ABCC6: variants seen among roughly 807,000 people sequenced by gnomAD.
ABCC6 encodes the protein ATP-binding cassette sub-family C member 6.
Under a neutral mutation model 169.5 loss-of-function variants are expected in ABCC6, and 126 were observed. The ratio of observed to expected loss-of-function variants is 0.74; its 90% CI spans 0.64 to 0.86. The LOEUF (loss-of-function observed/expected upper bound fraction) is 0.86, where lower values mean the gene tolerates loss of function less well. Among genes scored for constraint, ABCC6 ranks in the 40% least tolerant of loss-of-function variants. The probability of loss-of-function intolerance (pLI) is 0.00; values close to 1 mark genes in which losing one functional copy is unlikely to be tolerated. For synonymous variants in ABCC6, 752 were observed against 814.7 expected (o/e 0.92, Z 1.31); for missense variants, 1,733 against 1,927.2 (o/e 0.90, Z 1.89).
rs944258079 is a variant in ABCC6, at chr16:16,149,928, C to G, written c.*205G>C. 21 of 742,968 alleles carry G rather than the reference C, an allele frequency of 2.8e-5. 1 individual carries two copies. In the African/African-American group the frequency reaches 3.4e-4, roughly 12 times the overall value. 46.0% of individuals were successfully genotyped at this position (742,968 alleles called of 1,614,324 possible). A position where few individuals can be genotyped will look rare whatever the true frequency, so the allele number is the denominator to read the frequency against. The stretch of plus-strand genomic sequence containing the variant: ...TGGACAGGGCGAGATGGGCCCTGCC[C>G]GGGCAGACCTGTGTATTGCTAGGTC... On this transcript the variant is annotated 3_prime_UTR_variant, in exon 31 of 31. Coordinates refer to ENST00000205557, the MANE Select transcript of ABCC6 (RefSeq NM_001171.6).
At chr16:16,177,365 CCATT>C (rs2047309596) in intron 19 of ABCC6, 83 bp downstream of exon 19, 2 of 1,496,858 alleles carry the variant, frequency 1.3e-6, no homozygotes, top group East Asian at 4.5e-5. Flanking sequence ...CCAGAGCACT[CCATT>C]CATGCCAGTA....
At chr16:16,179,078 A>G (rs1220638322) in intron 17 of ABCC6, 113 bp from the exon 18 acceptor site, 19 of 1,193,930 alleles carry the variant, frequency 1.6e-5, no homozygotes, top group Non-Finnish European at 2.2e-5. Flanking sequence ...GTACAGCTCA[A>G]CATGCCTATT....
chr16:16,184,564 T>C (rs905853957), intron 15 of ABCC6, among the ~76,000 whole-genome samples: 1 of 152,152 alleles, frequency 6.6e-6, no homozygotes, highest in Non-Finnish European at 1.5e-5. Context: ...GCGATAGAGT[T>C]GGAGACTATA....
chr16:16,216,588 C>T (rs553393457), intron 4 of ABCC6, among the ~76,000 whole-genome samples: 1 of 152,160 alleles, frequency 6.6e-6, no homozygotes. Context: ...TGTTGATGGA[C>T]ACTTAGGTTG....
intron 2 of ABCC6, 97 bp from the exon 3 acceptor site, chr16:16,220,044 C>A: frequency 6.6e-7 from 1 of 1,515,018 alleles, no homozygotes. Flanking sequence ...GGTTCTGCAA[C>A]ATCCTGGCTG....
At chr16:16,208,342 TTTTTTGTTTTTG>T (rs531089267) in intron 7 of ABCC6, among the ~76,000 whole-genome samples, 3 of 151,372 alleles carry the variant, frequency 2.0e-5, no homozygotes, top group Non-Finnish European at 4.4e-5. Flanking sequence ...ATGATGAGGT[TTTTTTGTTTTTG>T]TTTTTGTTTT....
intron 26 of ABCC6, among the ~76,000 whole-genome samples, chr16:16,158,668 T>C (rs1487097542): frequency 6.6e-6 from 1 of 152,278 alleles, no homozygotes; most frequent in Non-Finnish European, 1.5e-5. Context: ...CTTATAATGC[T>C]ACTGTTATGT....
In ABCC6 at chr16:16,157,766, G is replaced by T. The variant is rs2046597413; in HGVS notation, c.3779C>A (p.Pro1260His). The change falls in exon 27 of 31, where the codon CCT becomes CAT. Residue 1260 changes from proline (P) to histidine (H), a missense_variant. By Grantham distance (77) the Pro-to-His change is moderately conservative. Coordinates refer to ENST00000205557, the MANE Select transcript of ABCC6 (RefSeq NM_001171.6). The stretch of plus-strand genomic sequence containing the variant: ...CCGGAACTCGATCTGCCCGCCCTGA[G>T]GCCAGGGGGGCTGAGCTGCACATGT... Reference protein sequence around the residue: ...LPTCAAQPPWPQGGQIEFRDF... With the variant: ...LPTCAAQPPWHQGGQIEFRDF... 1.2e-6 allele frequency: 2 copies of T among 1,613,626 alleles called. No homozygotes were observed. The highest frequency in any genetic ancestry group is 1.7e-6 in the Non-Finnish European group (2 of 1,179,992).
intron 13 of ABCC6, among the ~76,000 whole-genome samples, chr16:16,187,903 TAAATTAAATAA>T (rs779319910): frequency 2.1e-4 from 17 of 82,056 alleles, no homozygotes; most frequent in South Asian, 1.1e-3. Context: ...TCTCAATAAA[TAAATTAAATAA>T]ATAAATAAAT....
intron 20 of ABCC6, among the ~76,000 whole-genome samples, chr16:16,175,026 G>A (rs974480885): frequency 1.3e-5 from 2 of 151,576 alleles, no homozygotes; most frequent in Admixed American, 6.6e-5. Flanking sequence ...TGATCCACCC[G>A]CTTCAGTTTC....
At chr16:16,183,310 T>C (rs1482568912) in intron 15 of ABCC6, among the ~76,000 whole-genome samples, 2 of 152,156 alleles carry the variant, frequency 1.3e-5, no homozygotes, top group Admixed American at 6.5e-5. Flanking sequence ...GGGTTGACTA[T>C]AGCCTGAGGG....
chr16:16,154,560 C>T, intron 29 of ABCC6, 68 bp downstream of exon 29: 1 of 1,600,572 alleles, frequency 6.2e-7, no homozygotes, highest in Non-Finnish European at 8.5e-7. Flanking sequence ...CCTGAAGGCC[C>T]TTGGGGAGGG....
At chr16:16,207,970 C>CT (rs1027532335) in intron 7 of ABCC6, among the ~76,000 whole-genome samples, 2 of 150,882 alleles carry the variant, frequency 1.3e-5, no homozygotes, top group South Asian at 2.1e-4. Flanking sequence ...ATAAATCATC[C>CT]TTTTTTTTCA....
At chr16:16,200,410 C>T (rs530000997) in intron 9 of ABCC6, among the ~76,000 whole-genome samples, 21 of 119,040 alleles carry the variant, frequency 1.8e-4, no homozygotes, top group Non-Finnish European at 3.0e-4. Context: ...GCCTGGGCAA[C>T]AAGAGCGAAA....
Position 16,149,644 on chromosome 16 carries a change from G to C in ABCC6, c.*489C>G. 7.1e-6 allele frequency: 2 copies of C among 280,442 alleles called. No homozygotes were observed. The highest frequency in any genetic ancestry group is 1.0e-4 in the East Asian group (2 of 19,388). 17.4% of individuals were successfully genotyped at this position (280,442 alleles called of 1,614,324 possible). ...CTGTGATGCTTTATCCTAGAGTTTT[G>C]CAAGATGTTACCATTGGGTGAAATG... On this transcript the variant is annotated 3_prime_UTR_variant, in exon 31 of 31. Coordinates refer to ENST00000205557, the MANE Select transcript of ABCC6 (RefSeq NM_001171.6).
At chr16:16,192,797 C>T (rs1324923119) in intron 11 of ABCC6, 33 bp downstream of exon 11, 4 of 1,588,408 alleles carry the variant, frequency 2.5e-6, no homozygotes, top group East Asian at 2.2e-5. Flanking sequence ...TCCCTACTTC[C>T]TGCCTGGTCC....
chr16:16,150,441 C>T lies in ABCC6; in HGVS notation c.4403+137G>A, dbSNP rs976154791. ...AGCTTTCCCACTTGGCATGTGTTCC[C>T]GGGCATTCCTCCCGCTCTGGCCCCA... On this transcript the variant is annotated intron_variant, in intron 30 of 30. Coordinates refer to ENST00000205557, the MANE Select transcript of ABCC6 (RefSeq NM_001171.6). 44 of 1,496,514 alleles carry T rather than the reference C, an allele frequency of 2.9e-5. 1 individual carries two copies. Among genetic ancestry groups the T allele is most frequent in the East Asian group, 1.5e-4 (6 of 40,452 alleles). 92.7% of individuals were successfully genotyped at this position (1,496,514 alleles called of 1,614,324 possible). A position where few individuals can be genotyped will look rare whatever the true frequency, so the allele number is the denominator to read the frequency against.
intron 10 of ABCC6, among the ~76,000 whole-genome samples, chr16:16,195,656 A>G (rs2048013637): frequency 6.6e-6 from 1 of 151,944 alleles, no homozygotes; most frequent in Admixed American, 6.6e-5. Context: ...AACCTGATCA[A>G]TTGCCCTGAA....
intron 22 of ABCC6, among the ~76,000 whole-genome samples, chr16:16,169,154 T>C (rs1347932663): frequency 6.6e-6 from 1 of 152,240 alleles, no homozygotes; most frequent in Non-Finnish European, 1.5e-5. Flanking sequence ...GGATCCTTTG[T>C]GTGATACTTT....
Sources: allele counts gnomAD v4.1 joint callset (sites outside exome capture counted in the v4.1 genomes callset), GRCh38; gene constraint gnomAD v4.1.1; transcripts MANE v1.5; gene names NCBI Gene and HGNC (gene_info 2026-07-23, HGNC 2026-07-21).